Variants in GOLGA2 observed in about 807,000 individuals in gnomAD.
GOLGA2 encodes the protein golgin A2.
GOLGA2 carries 49 observed loss-of-function variants against 148.8 expected under a neutral mutation model. That is an observed-to-expected ratio of 0.33 (90% CI 0.26 to 0.42). The LOEUF is 0.42. Among genes scored for constraint, GOLGA2 ranks in the 10% least tolerant of loss-of-function variants. GOLGA2 has a pLI of 1.00. For synonymous variants in GOLGA2, 501 were observed against 511.8 expected, an observed-to-expected ratio of 0.98 and a Z score of 0.28; for missense variants, 1,178 against 1,304.6, an observed-to-expected ratio of 0.90 and a Z score of 1.49.
Position 128,261,177 on chromosome 9 carries a change from T to C in GOLGA2, c.1415A>G (p.Gln472Arg). 2 of 1,608,942 alleles carry C rather than the reference T, an allele frequency of 1.2e-6. No individual in the cohort carries two copies. The highest frequency in any genetic ancestry group is 2.2e-5 in the South Asian group (2 of 90,982). Residue 472 changes from glutamine to arginine, a missense_variant, in exon 17 of 27, where the codon CAG becomes CGG. Gln to Arg is a conservative substitution (Grantham distance 43, BLOSUM62 1). Coordinates refer to ENST00000611957, the MANE Select transcript of GOLGA2 (RefSeq NM_001366244.2). This position sits in a 1 kb window ranked among gnomAD's most constrained non-coding sequence, Gnocchi z 5.7. Reference protein sequence around the residue: ...LETSLAELRNQMAEPPPPEPP... With the variant: ...LETSLAELRNRMAEPPPPEPP... ...TCACCCCAGCCCCAGCTTACCCATC[T>C]GGTTCCTCAGTTCAGCCAAGCTCGT...
Position 128,257,659 on chromosome 9 carries a change from C to T in GOLGA2, c.2660G>A (p.Arg887Gln), listed in dbSNP as rs1170796309. Residue 887 changes from arginine (R) to glutamine (Q), a missense_variant, in exon 25 of 27, where the codon CGG becomes CAG. This residue lies in a region of GOLGA2 where 38 missense variants were observed against 67.3 expected (regional missense o/e 0.56). Coordinates refer to ENST00000611957, the MANE Select transcript of GOLGA2 (RefSeq NM_001366244.2). The surrounding 1 kb of genome is among the most constrained non-coding windows in gnomAD (Gnocchi z 8.0). ...YQSQRAVLKERHREKEEYISR... is the reference protein window; with the variant it reads ...YQSQRAVLKEQHREKEEYISR... ...GATGTACTCCTCCTTCTCCCGGTGC[C>T]GCTCCTTCAGCACTGCCCTCTGGCT... 9 of 1,614,018 alleles carry T rather than the reference C, an allele frequency of 5.6e-6. No homozygotes were observed. The East Asian group carries it at 8.9e-5, about 16-fold the overall frequency.
intron 2 of GOLGA2, 45 bp from the exon 3 acceptor site, chr9:128,272,910 T>C (rs546526929): frequency 3.9e-6 from 3 of 771,332 alleles, no homozygotes; most frequent in Admixed American, 5.1e-5. Flanking sequence ...GGGAGAAAGG[T>C]AGAAGTGGCT....
chr9:128,267,153 G>T, intron 8 of GOLGA2, 41 bp downstream of exon 8: 1 of 1,267,480 alleles, frequency 7.9e-7, no homozygotes, highest in Non-Finnish European at 1.2e-6. Flanking sequence ...TGGAGCCCAG[G>T]ATTAGCAGCA....
At position 128,265,709 on chromosome 9, in the gene GOLGA2, G is replaced by C; in HGVS notation, c.827-18C>G. 6.2e-7 allele frequency: 1 copy of C among 1,612,462 alleles called. No individual in the cohort carries two copies. Among genetic ancestry groups the C allele is most frequent in the Non-Finnish European group, 8.5e-7 (1 of 1,178,502 alleles). On this transcript the variant is annotated intron_variant, in intron 11 of 26. Coordinates refer to ENST00000611957, the MANE Select transcript of GOLGA2 (RefSeq NM_001366244.2). ...AGACTCTCCTGGAATGAGAGAGGTT[G>C]AGATGGGGCCCAAAGGACTCCCCCT...
chr9:128,257,261 C>A lies in GOLGA2; in HGVS notation c.2896G>T (p.Ala966Ser). The change falls in exon 27 of 27, where the codon GCC (alanine) becomes TCC (serine). Residue 966 changes from alanine to serine, a missense_variant. Physicochemically the swap from Ala to Ser is moderately conservative, Grantham distance 99. This residue lies in a region of GOLGA2 where 149 missense variants were observed against 154.9 expected (regional missense o/e 0.96). Transcript: ENST00000611957. The surrounding 1 kb of genome is among the most constrained non-coding windows in gnomAD (Gnocchi z 8.0). ...QQGDLCEVSLAGSVEPAQGEA... is the reference protein window; with the variant it reads ...QQGDLCEVSLSGSVEPAQGEA... ...CCTTGGGCAGGCTCCACACTGCCGG[C>A]GAGGCTCACCTCGCAAAGATCTTTG... 6.2e-7 allele frequency: 1 copy of A among 1,613,066 alleles called. No individual in the cohort carries two copies. Among genetic ancestry groups the A allele is most frequent in the Non-Finnish European group, 8.5e-7 (1 of 1,179,750 alleles).
At chr9:128,267,883 A>T (rs765416612) in intron 6 of GOLGA2, 51 bp downstream of exon 6, 1 of 1,364,460 alleles carries the variant, frequency 7.3e-7, no homozygotes, top group Non-Finnish European at 1.0e-6. Context: ...TTCAGTTTCT[A>T]TCATAGTTCC....
In GOLGA2 at chr9:128,260,878, G is replaced by C; in HGVS notation, c.1421-76C>G. The C allele has an allele frequency of 9.4e-7, 1 of 1,066,472 alleles. No homozygotes were observed. Among genetic ancestry groups the C allele is most frequent in the Non-Finnish European group, 1.3e-6 (1 of 744,402 alleles). The allele number at this position is 1,066,472 out of a possible 1,614,324, so 66.1% of individuals were successfully genotyped here. On this transcript the variant is annotated intron_variant, in intron 17 of 26. Transcript: ENST00000611957. The surrounding 1 kb of genome is among the most constrained non-coding windows in gnomAD (Gnocchi z 4.8). ...CCTCTTGGTCCATACCTCCTCTCAA[G>C]CTCCCCAAACTTGGCCTCCCTGCTG...
intron 12 of GOLGA2, among the ~76,000 whole-genome samples, chr9:128,263,840 G>T (rs1305095908): frequency 2.6e-5 from 4 of 151,720 alleles, no homozygotes; most frequent in Non-Finnish European, 5.9e-5. Flanking sequence ...GCACCCGGCT[G>T]GTCTCATTTG....
chr9:128,258,375 G>T lies in GOLGA2; in HGVS notation c.2289+80C>A. 1 of 1,357,518 alleles carries T rather than the reference G, an allele frequency of 7.4e-7. No homozygotes were observed. Among genetic ancestry groups the T allele is most frequent in the South Asian group, 1.2e-5 (1 of 83,320 alleles). 84.1% of individuals were successfully genotyped at this position (1,357,518 alleles called of 1,614,324 possible). ...GAGGGTCCGAAGAAATCAGAAGGCC[G>T]GGAAACCAAGAGCAGAAGGGGGTCT... On this transcript the variant is annotated intron_variant, in intron 22 of 26. Transcript: ENST00000611957. The surrounding 1 kb of genome is among the most constrained non-coding windows in gnomAD (Gnocchi z 6.6).
chr9:128,272,208 G>A (rs1831000144), intron 3 of GOLGA2, among the ~76,000 whole-genome samples: 1 of 151,630 alleles, frequency 6.6e-6, no homozygotes, highest in Non-Finnish European at 1.5e-5. Context: ...CCCAGACTGG[G>A]AGCAGTGGCT....
In GOLGA2 at chr9:128,260,346, A is replaced by G. The variant is rs1830179688; in HGVS notation, c.1758+119T>C. ...AGCCATCGGAGCAGGGCTCTGGCTCACAGATGCCTCCAGAAGTACCATTTC... is the reference window on the plus strand; with the variant it reads ...AGCCATCGGAGCAGGGCTCTGGCTCGCAGATGCCTCCAGAAGTACCATTTC... On this transcript the variant is annotated intron_variant, in intron 18 of 26. Transcript: ENST00000611957. The surrounding 1 kb of genome is among the most constrained non-coding windows in gnomAD (Gnocchi z 4.8). The G allele has an allele frequency of 9.2e-7, 1 of 1,087,728 alleles. No homozygotes were observed. Among genetic ancestry groups the G allele is most frequent in the Non-Finnish European group, 1.4e-6 (1 of 721,278 alleles). The allele number at this position is 1,087,728 out of a possible 1,614,324, so 67.4% of individuals were successfully genotyped here.
chr9:128,271,589 C>A lies in GOLGA2; in HGVS notation c.288+1196G>T, dbSNP rs71497685. ...CTGTGAGTTCACACTCTGGCCACGG[C>A]CTCACCGCTCCCCCTGCCTCCCCCA... On this transcript the variant is annotated intron_variant, in intron 3 of 26. Coordinates refer to ENST00000611957, the MANE Select transcript of GOLGA2 (RefSeq NM_001366244.2). The surrounding 1 kb of genome is among the most constrained non-coding windows in gnomAD (Gnocchi z 4.4). Among the ~76,000 whole-genome samples, 1 of 152,118 alleles carries A rather than the reference C, an allele frequency of 6.6e-6. No homozygotes were observed. The highest frequency in any genetic ancestry group is 1.5e-5 in the Non-Finnish European group (1 of 68,020).
At chr9:128,268,923 G>C (rs937002837) in intron 3 of GOLGA2, among the ~76,000 whole-genome samples, 1 of 152,136 alleles carries the variant, frequency 6.6e-6, no homozygotes, top group Non-Finnish European at 1.5e-5. Context: ...GCCCCTACTG[G>C]GCAGAGGATG....
At position 128,273,979 on chromosome 9, in the gene GOLGA2, A is replaced by C. The variant is rs1831135353; in HGVS notation, c.85-7T>G. The C allele has an allele frequency of 1.2e-6, 2 of 1,610,534 alleles. No homozygotes were observed. The highest frequency in any genetic ancestry group is 1.7e-6 in the Non-Finnish European group (2 of 1,177,624). ...TCTGCTGATATTCTCTCAACTGTGGAAAAGAAGAGCAATAATATTCATGAG... is the reference window on the plus strand; with the variant it reads ...TCTGCTGATATTCTCTCAACTGTGGCAAAGAAGAGCAATAATATTCATGAG... On this transcript the variant is annotated splice_region_variant and splice_polypyrimidine_tract_variant and intron_variant, in intron 1 of 26. Transcript: ENST00000611957.
At chr9:128,264,410 A>T (rs551465915) in intron 12 of GOLGA2, among the ~76,000 whole-genome samples, 52 of 146,314 alleles carry the variant, frequency 3.6e-4, no homozygotes, top group African/African-American at 1.2e-3. Flanking sequence ...AATTTTTGTT[A>T]TTATTTATTT....
rs1829851076 is a variant in GOLGA2 at position 128,256,209 on chromosome 9, A to C, written c.*858T>G. The C allele has an allele frequency of 6.6e-6, 1 of 152,478 alleles. No individual in the cohort carries two copies. The highest frequency in any genetic ancestry group is 2.1e-4 in the South Asian group (1 of 4,836). The allele number at this position is 152,478 out of a possible 1,614,324, so 9.4% of individuals were successfully genotyped here. ...AAAAATTGCTTTGGTGAGAGTAAGGAGGCCATGAGGCCTCTTCCAAAGAGG... is the reference window on the plus strand; with the variant it reads ...AAAAATTGCTTTGGTGAGAGTAAGGCGGCCATGAGGCCTCTTCCAAAGAGG... On this transcript the variant is annotated 3_prime_UTR_variant, in exon 27 of 27. Coordinates refer to ENST00000611957, the MANE Select transcript of GOLGA2 (RefSeq NM_001366244.2).
intron 4 of GOLGA2, 33 bp from the exon 5 acceptor site, chr9:128,268,193 C>A: frequency 6.3e-7 from 1 of 1,588,776 alleles, no homozygotes; most frequent in South Asian, 1.1e-5. Flanking sequence ...GATGGTCATT[C>A]AATTTCTGGT....
At chr9:128,259,481 C>T (rs1287524211) in intron 19 of GOLGA2, 90 bp from the exon 20 acceptor site, 20 of 786,022 alleles carry the variant, frequency 2.5e-5, no homozygotes, top group Middle Eastern at 3.7e-4. Context: ...CTGTCACCTG[C>T]CCAGACCTCT....
intron 2 of GOLGA2, 114 bp from the exon 3 acceptor site, chr9:128,272,979 A>G (rs1455670021): frequency 2.6e-5 from 10 of 380,626 alleles, no homozygotes; most frequent in Non-Finnish European, 4.1e-5. Context: ...AAATGAAATA[A>G]GAAGAGTGGA....
Sources: allele counts gnomAD v4.1 joint callset (sites outside exome capture counted in the v4.1 genomes callset), GRCh38; gene constraint gnomAD v4.1.1; regional missense constraint gnomAD v4.1.1; non-coding constraint Gnocchi (gnomAD v3.1); transcripts MANE v1.5; gene names NCBI Gene and HGNC (gene_info 2026-07-23, HGNC 2026-07-21).